Variants in TFB1M observed in about 807,000 individuals in gnomAD.
The protein encoded by TFB1M is dimethyladenosine transferase 1, mitochondrial.
A neutral mutation model predicts 31.1 loss-of-function variants in TFB1M; 27 were observed. The ratio of observed to expected loss-of-function variants is 0.87; its 90% confidence interval spans 0.64 to 1.20. TFB1M has a LOEUF of 1.20. TFB1M is among the 50% of genes most tolerant of loss of function. The pLI, the probability that TFB1M is intolerant of heterozygous loss-of-function variation, is 0.00. For missense variants in TFB1M, 394 were observed against 418.7 expected, an observed-to-expected ratio of 0.94 and a Z score of 0.51; for synonymous variants, 166 against 151.8, an observed-to-expected ratio of 1.09 and a Z score of -0.69.
chr6:155,276,066 A>G, intron 5 of TFB1M: 1 of 1,614,196 alleles, frequency 6.2e-7, no homozygotes, highest in Non-Finnish European at 8.5e-7. Context: ...ACCAAGAGCC[A>G]TGCTTCCTTT....
chr6:155,265,200 T>C lies in TFB1M; in HGVS notation c.667-4800A>G, dbSNP rs576915100. On this transcript the variant is annotated intron_variant, in intron 5 of 6. Coordinates refer to ENST00000367166, the MANE Select transcript of TFB1M (RefSeq NM_016020.4). ...GCTTCGAGGCTGCCCAGCCGGGCCA[T>C]GGGTGTGGCAGCACATTGGCAACTG... 7.2e-5 allele frequency among the ~76,000 whole-genome samples: 11 copies of C among 152,256 alleles called. No homozygotes were observed. In the South Asian group the frequency reaches 2.3e-3, roughly 32 times the overall value.
the TFB1M span, chr6:155,244,127 C>T: frequency 1.3e-6 from 2 of 1,554,928 alleles, no homozygotes; most frequent in African/African-American, 1.4e-5. Flanking sequence ...AGGTTAGTCT[C>T]TGTTTGCCTT....
chr6:155,265,835 G>A (rs1015303167), intron 5 of TFB1M, among the ~76,000 whole-genome samples: 4 of 149,616 alleles, frequency 2.7e-5, no homozygotes, highest in Non-Finnish European at 5.9e-5. Flanking sequence ...ATGATCACAA[G>A]GTCCCACAAT....
At chr6:155,313,807 C>G (rs1206143777) in intron 1 of TFB1M, among the ~76,000 whole-genome samples, 1 of 152,064 alleles carries the variant, frequency 6.6e-6, no homozygotes, top group Non-Finnish European at 1.5e-5. Flanking sequence ...TTAGCGCCCC[C>G]GAGGCTTAGA....
At chr6:155,232,904 A>T in the TFB1M span, 3 of 152,214 alleles carry the variant, frequency 2.0e-5, no homozygotes, top group Non-Finnish European at 4.4e-5. Context: ...GCTGTCCTTC[A>T]TCCTTGTTTC....
rs766864288 is a variant in TFB1M at position 155,260,357 on chromosome 6, T to G, written c.710A>C (p.Lys237Thr). Reference protein sequence around the residue: ...VVHFTPLIQPKIEQPFKLVEK... With the variant: ...VVHFTPLIQPTIEQPFKLVEK... ...CACCAGCTTGAATGGCTGCTCTATC[T>G]TGGGCTGTATCAAGGGAGTGAAGTG... is the stretch of plus-strand genomic sequence containing the variant. Residue 237 changes from lysine (K) to threonine (T), a missense_variant, in exon 6 of 7, where the codon AAG becomes ACG. Coordinates refer to ENST00000367166, the MANE Select transcript of TFB1M (RefSeq NM_016020.4). 3 of 1,614,228 alleles carry G rather than the reference T, an allele frequency of 1.9e-6. No homozygotes were observed. The highest frequency in any genetic ancestry group is 2.2e-5 in the South Asian group (2 of 91,084).
At chr6:155,314,160 G>C (rs1049175748) in intron 1 of TFB1M, 136 bp downstream of exon 1, 1 of 1,536,992 alleles carries the variant, frequency 6.5e-7, no homozygotes, top group African/African-American at 1.4e-5. Context: ...CTGATACAAA[G>C]AGGTCGAAGG....
chr6:155,252,764 T>C (rs1015054284), downstream of TFB1M, among the ~76,000 whole-genome samples: 1 of 152,204 alleles, frequency 6.6e-6, no homozygotes, highest in East Asian at 1.9e-4. Context: ...CCTCCGCACC[T>C]TCCCTAGCAT....
downstream of TFB1M, chr6:155,254,336 G>A: frequency 6.5e-7 from 1 of 1,549,258 alleles, no homozygotes; most frequent in African/African-American, 1.3e-5. Context: ...CAGGTGCAAG[G>A]CACAGGAACA....
chr6:155,271,116 T>C (rs2114698931), intron 5 of TFB1M, among the ~76,000 whole-genome samples: 1 of 152,348 alleles, frequency 6.6e-6, no homozygotes, highest in South Asian at 2.1e-4. Context: ...GAAACATGTG[T>C]TTGTTTATTT....
chr6:155,267,550 G>T (rs560471300), intron 5 of TFB1M, among the ~76,000 whole-genome samples: 51 of 152,306 alleles, frequency 3.3e-4, no homozygotes, highest in African/African-American at 1.1e-3. Context: ...AGCTCTGATT[G>T]GTGAGTGACG....
chr6:155,256,573 G>A lies in TFB1M; in HGVS notation c.*1263C>T, dbSNP rs116807909. On this transcript the variant is annotated 3_prime_UTR_variant, in exon 7 of 7. Transcript: ENST00000367166. The stretch of plus-strand genomic sequence containing the variant: ...CAAGGGAACCTTGCTGGACTCTGAC[G>A]AGGGCAGCTTGAGCAGCGGCACCCA... 249 of 1,614,168 alleles carry A rather than the reference G, an allele frequency of 1.5e-4. No individual in the cohort carries two copies. In the African/African-American group the frequency reaches 3.0e-3, roughly 19 times the overall value.
the TFB1M span, chr6:155,240,734 C>T: frequency 2.5e-6 from 4 of 1,593,128 alleles, no homozygotes; most frequent in Non-Finnish European, 3.4e-6. Context: ...GGCATTTATG[C>T]ATTCGTGCCT....
At chr6:155,314,023 T>G (rs994821907) in intron 1 of TFB1M, 1 of 1,195,408 alleles carries the variant, frequency 8.4e-7, no homozygotes, top group Non-Finnish European at 1.1e-6. Context: ...TCACGACCCA[T>G]GAACCCTTCC....
chr6:155,243,509 C>A, the TFB1M span, among the ~76,000 whole-genome samples: 1 of 152,162 alleles, frequency 6.6e-6, no homozygotes. Flanking sequence ...TGATATTAAA[C>A]TCTTTGAATT....
chr6:155,286,105 T>C (rs1776614604), intron 4 of TFB1M, among the ~76,000 whole-genome samples: 1 of 152,026 alleles, frequency 6.6e-6, no homozygotes, highest in African/African-American at 2.4e-5. Context: ...CATTAGATAT[T>C]TAACACACGA....
At chr6:155,288,187 T>A (rs1776751468) in intron 4 of TFB1M, among the ~76,000 whole-genome samples, 1 of 152,228 alleles carries the variant, frequency 6.6e-6, no homozygotes. Flanking sequence ...AGTTATAGAT[T>A]GTACTCAAAG....
At chr6:155,243,965 T>C in the TFB1M span, 1 of 1,574,844 alleles carries the variant, frequency 6.3e-7, no homozygotes, top group East Asian at 2.2e-5. Flanking sequence ...TCATGGGTAT[T>C]TTGGAGACTA....
intron 4 of TFB1M, among the ~76,000 whole-genome samples, chr6:155,286,083 C>A (rs942501250): frequency 3.3e-5 from 5 of 152,052 alleles, no homozygotes; most frequent in East Asian, 1.9e-4. Flanking sequence ...GCCTCAGAAA[C>A]AGACCCAAGC....
Sources: allele counts gnomAD v4.1 joint callset (sites outside exome capture counted in the v4.1 genomes callset), GRCh38; gene constraint gnomAD v4.1.1; transcripts MANE v1.5; gene names NCBI Gene and HGNC (gene_info 2026-07-23, HGNC 2026-07-21).